The following GNB1 variants were observed in gnomAD, a reference collection of about 807,000 sequenced individuals.
The protein encoded by GNB1 is G protein subunit beta 1, also known as guanine nucleotide-binding protein G(I)/G(S)/G(T) subunit beta-1.
A neutral mutation model predicts 42.9 loss-of-function variants in GNB1; 2 were observed. The observed-to-expected ratio is 0.05, with a 90% CI of 0.02 to 0.15. The LOEUF (loss-of-function observed/expected upper bound fraction) is 0.15. Ranked by LOEUF, GNB1 falls within the 10% of genes least tolerant of loss-of-function variation. The pLI, the probability that GNB1 is intolerant of heterozygous loss-of-function variation, is 1.00. For synonymous variants in GNB1, 183 were observed against 174.7 expected (o/e 1.05, Z -0.38); for missense variants, 193 against 462.2 (o/e 0.42, Z 5.34).
intron 1 of GNB1, among the ~76,000 whole-genome samples, chr1:1,888,946 C>T (rs1044622851): frequency 6.6e-6 from 1 of 152,300 alleles, no homozygotes; most frequent in African/African-American, 2.4e-5. Flanking sequence ...GGCACCACCT[C>T]CATCCCCAGC....
intron 8 of GNB1, among the ~76,000 whole-genome samples, chr1:1,791,622 G>A (rs1434573894): frequency 1.3e-5 from 2 of 152,142 alleles, no homozygotes; most frequent in African/African-American, 2.4e-5. Flanking sequence ...CCTGTGCCTC[G>A]ACCCATGGAA....
chr1:1,819,705 ATTTTTTT>A (rs34199353), intron 3 of GNB1, among the ~76,000 whole-genome samples: 1 of 131,008 alleles, frequency 7.6e-6, no homozygotes, highest in African/African-American at 2.8e-5. Context: ...TGCCCGGCTA[ATTTTTTT>A]TTTTTTTTTG....
At position 1,789,199 on chromosome 1, in the gene GNB1, G is replaced by A; in HGVS notation, c.770C>T (p.Ala257Val). Residue 257 changes from alanine (A) to valine (V), a missense_variant, in exon 10 of 12, where the codon GCT becomes GTT. Coordinates refer to ENST00000378609, the MANE Select transcript of GNB1 (RefSeq NM_002074.5). ...DATCRLFDLR[A>V]DQELMTYSHD... ...GGAGTAAGTCATGAGCTCCTGGTCA[G>A]CACGAAGGTCAAACAGCCTGCAGGT... The A allele has an allele frequency of 6.2e-7, 1 of 1,613,622 alleles. No individual in the cohort carries two copies. Among genetic ancestry groups the A allele is most frequent in the Non-Finnish European group, 8.5e-7 (1 of 1,179,476 alleles).
intron 2 of GNB1, among the ~76,000 whole-genome samples, chr1:1,833,998 G>A (rs759739149): frequency 1.3e-5 from 2 of 152,160 alleles, no homozygotes; most frequent in Admixed American, 6.6e-5. Context: ...CGACCAGGCA[G>A]GTCGGTTAGT....
At chr1:1,826,352 G>A (rs888748021) in intron 2 of GNB1, among the ~76,000 whole-genome samples, 1 of 152,230 alleles carries the variant, frequency 6.6e-6, no homozygotes, top group Non-Finnish European at 1.5e-5. Context: ...GGGAGGCAGA[G>A]GTTGCACTGA....
intron 1 of GNB1, among the ~76,000 whole-genome samples, chr1:1,878,592 A>C (rs942739728): frequency 3.9e-5 from 6 of 152,134 alleles, no homozygotes; most frequent in African/African-American, 1.4e-4. Context: ...CTCGTCCGCC[A>C]TCTTTTTCAG....
intron 2 of GNB1, among the ~76,000 whole-genome samples, chr1:1,837,555 TTTTG>T (rs1232727887): frequency 7.5e-6 from 1 of 133,042 alleles, no homozygotes; most frequent in Non-Finnish European, 1.6e-5. Context: ...TGCCTGGCCT[TTTTG>T]TTTTTGTTTT....
At chr1:1,819,314 C>T (rs1357504334) in intron 3 of GNB1, among the ~76,000 whole-genome samples, 1 of 151,834 alleles carries the variant, frequency 6.6e-6, no homozygotes, top group African/African-American at 2.4e-5. Flanking sequence ...CTCCGCCTCC[C>T]AGGTTCAAGT....
intron 6 of GNB1, 83 bp downstream of exon 6, chr1:1,806,392 C>A: frequency 1.2e-6 from 1 of 835,786 alleles, no homozygotes; most frequent in Non-Finnish European, 2.0e-6. Context: ...TCCTGTATTA[C>A]GTGATTTAAC....
At chr1:1,875,018 T>G (rs1307159959) in intron 1 of GNB1, among the ~76,000 whole-genome samples, 1 of 152,040 alleles carries the variant, frequency 6.6e-6, no homozygotes, top group Non-Finnish European at 1.5e-5. Context: ...GCGTGTGCAG[T>G]TCATGACGGG....
intron 5 of GNB1, among the ~76,000 whole-genome samples, chr1:1,813,281 A>C (rs1646807608): frequency 6.6e-6 from 1 of 151,876 alleles, no homozygotes; most frequent in African/African-American, 2.4e-5. Flanking sequence ...CTAATTTTTA[A>C]ATTTTTAGCA....
intron 7 of GNB1, among the ~76,000 whole-genome samples, chr1:1,801,138 C>G (rs1646620257): frequency 6.6e-6 from 1 of 152,226 alleles, no homozygotes; most frequent in African/African-American, 2.4e-5. Flanking sequence ...AGTAATTCTC[C>G]TGCTTCAGCC....
intron 1 of GNB1, among the ~76,000 whole-genome samples, chr1:1,868,607 C>T (rs935875179): frequency 6.6e-6 from 1 of 151,834 alleles, no homozygotes; most frequent in Admixed American, 6.6e-5. Flanking sequence ...ATGGTGAAAC[C>T]CCGTCTCTAC....
At chr1:1,792,379 G>A (rs544056253) in intron 8 of GNB1, among the ~76,000 whole-genome samples, 1 of 152,162 alleles carries the variant, frequency 6.6e-6, no homozygotes, top group East Asian at 1.9e-4. Context: ...AGAAGAGCAG[G>A]TACTTTGAGC....
chr1:1,815,637 T>G, intron 5 of GNB1, 119 bp downstream of exon 5: 1 of 627,156 alleles, frequency 1.6e-6, no homozygotes, highest in Non-Finnish European at 2.9e-6. Context: ...AGAGTTCTGA[T>G]TCAACTTCCT....
Position 1,819,506 on chromosome 1 carries a change from C to A in GNB1, c.58-1631G>T, listed in dbSNP as rs377735137. On this transcript the variant is annotated intron_variant, in intron 3 of 11. Transcript: ENST00000378609. Reference sequence around the variant, plus strand: ...AAAGTGCTGGGATTACAGGCGTGAGCCACCCCGCCTGGCCTCTTTTTTTTT... The same window carrying A: ...AAAGTGCTGGGATTACAGGCGTGAGACACCCCGCCTGGCCTCTTTTTTTTT... Among the ~76,000 whole-genome samples, 39 of 151,914 alleles carry A rather than the reference C, an allele frequency of 2.6e-4. No individual in the cohort carries two copies. In the East Asian group the frequency reaches 7.0e-3, roughly 27 times the overall value.
At chr1:1,809,062 A>G (rs190168531) in intron 5 of GNB1, among the ~76,000 whole-genome samples, 8 of 152,314 alleles carry the variant, frequency 5.3e-5, no homozygotes, top group Admixed American at 2.0e-4. Context: ...ATCAAACTAG[A>G]TGTTTTGATA....
chr1:1,791,592 G>A (rs9660180), intron 8 of GNB1, among the ~76,000 whole-genome samples: 59,971 of 152,032 alleles, frequency 0.39, 14,295 homozygotes, highest in Admixed American at 0.55. Context: ...AGGGCCACAC[G>A]CCCACCAACA....
chr1:1,882,568 T>C (rs1005964833), intron 1 of GNB1, among the ~76,000 whole-genome samples: 10 of 152,102 alleles, frequency 6.6e-5, no homozygotes, highest in Admixed American at 3.9e-4. Flanking sequence ...TCAACAAATT[T>C]TGGTGAAATT....
Sources: gnomAD v4.1 joint callset for allele counts (sites outside exome capture counted in the v4.1 genomes callset) on GRCh38, gnomAD v4.1.1 for gene constraint, MANE v1.5 for transcripts, NCBI Gene and HGNC (gene_info 2026-07-23, HGNC 2026-07-21) for gene names.